The following ANKS1B variants were observed in gnomAD, a reference collection of about 807,000 sequenced individuals.
ANKS1B encodes the protein ankyrin repeat and sterile alpha motif domain containing 1B.
Under a neutral mutation model 148.3 loss-of-function variants are expected in ANKS1B, and 36 were observed. That is an observed-to-expected ratio of 0.24 (90% CI 0.19 to 0.32). The LOEUF is 0.32. Ranked by LOEUF, ANKS1B falls within the 10% of genes least tolerant of loss-of-function variation. The pLI is 1.00. For missense variants in ANKS1B, 1,157 were observed against 1,542.6 expected, an observed-to-expected ratio of 0.75 and a Z score of 4.19; for synonymous variants, 542 against 560.8, an observed-to-expected ratio of 0.97 and a Z score of 0.47.
intron 1 of ANKS1B, among the ~76,000 whole-genome samples, chr12:99,963,219 T>C (rs1422146467): frequency 6.6e-6 from 1 of 152,204 alleles, no homozygotes; most frequent in African/African-American, 2.4e-5. Flanking sequence ...TCTTGTAAAT[T>C]TGTTTAAGTT....
chr12:99,895,363 T>C (rs717403), intron 1 of ANKS1B, among the ~76,000 whole-genome samples: 27,056 of 150,296 alleles, frequency 0.18, 3,922 homozygotes, highest in Non-Finnish European at 0.26. Context: ...AGAAGTCCCA[T>C]GTGGCGAAAT....
chr12:99,246,492 A>C lies in ANKS1B; in HGVS notation c.2129T>G (p.Val710Gly), dbSNP rs762411780. Residue 710 changes from valine (V) to glycine (G), a missense_variant, in exon 13 of 27, where the codon GTG (valine) becomes GGG (glycine). Transcript: ENST00000683438. ...TCTCCCCAGAGTACAGGCTCTCTCC[A>C]CAAATCCCCCTGCGTTCATAACCCA... ...DQWVMNAGGF[V>G]ERACTLGRIR... The C allele has an allele frequency of 7.4e-6, 12 of 1,613,740 alleles. No homozygotes were observed. In the Admixed American group the frequency reaches 2.0e-4, roughly 27 times the overall value.
intron 9 of ANKS1B, among the ~76,000 whole-genome samples, chr12:99,536,282 G>T (rs185357003): frequency 3.0e-4 from 46 of 152,300 alleles, no homozygotes; most frequent in Admixed American, 1.8e-3. Context: ...GTAGCACTCT[G>T]GTGGGGATGT....
intron 1 of ANKS1B, among the ~76,000 whole-genome samples, chr12:99,918,816 T>C (rs1273244798): frequency 6.6e-6 from 1 of 152,230 alleles, no homozygotes; most frequent in Non-Finnish European, 1.5e-5. Context: ...ACAGTAACAA[T>C]GTCTAGCTCT....
chr12:99,205,059 C>T (rs1396043837), intron 14 of ANKS1B, among the ~76,000 whole-genome samples: 2 of 149,032 alleles, frequency 1.3e-5, no homozygotes, highest in African/African-American at 5.1e-5. Context: ...TTGTACCAGG[C>T]CCCCCCCAAA....
intron 15 of ANKS1B, among the ~76,000 whole-genome samples, chr12:99,114,967 A>G (rs1428375812): frequency 6.6e-6 from 1 of 152,006 alleles, no homozygotes; most frequent in Non-Finnish European, 1.5e-5. Flanking sequence ...ATTAAAAAGT[A>G]AAAAAATAAC....
intron 17 of ANKS1B, among the ~76,000 whole-genome samples, chr12:98,888,921 T>C (rs984873330): frequency 6.6e-6 from 1 of 152,222 alleles, no homozygotes; most frequent in African/African-American, 2.4e-5. Flanking sequence ...ACCTTGTCTA[T>C]CTTGTTCATC....
At chr12:98,746,523 C>T (rs1480942352) in intron 26 of ANKS1B, among the ~76,000 whole-genome samples, 1 of 152,194 alleles carries the variant, frequency 6.6e-6, no homozygotes, top group Non-Finnish European at 1.5e-5. Context: ...ACAAAAAGCA[C>T]CCCAACTTTT....
intron 14 of ANKS1B, among the ~76,000 whole-genome samples, chr12:99,194,827 A>T (rs2081197900): frequency 6.6e-6 from 1 of 152,180 alleles, no homozygotes; most frequent in African/African-American, 2.4e-5. Flanking sequence ...TCTTCAAAAT[A>T]ATCCTGTGTG....
chr12:99,776,912 T>C (rs1402698299), intron 6 of ANKS1B, among the ~76,000 whole-genome samples: 1 of 152,178 alleles, frequency 6.6e-6, no homozygotes, highest in Non-Finnish European at 1.5e-5. Flanking sequence ...CTGGAACTCC[T>C]GACCTTGTAA....
chr12:98,887,283 C>T (rs1305495788), intron 17 of ANKS1B, among the ~76,000 whole-genome samples: 5 of 152,174 alleles, frequency 3.3e-5, no homozygotes, highest in Admixed American at 1.3e-4. Flanking sequence ...TTACTGTTAA[C>T]GCTAAGGAAG....
At position 98,887,440 on chromosome 12, in the gene ANKS1B, A is replaced by C. The variant is rs1359773948; in HGVS notation, c.2779-55304T>G. ...CTTAAAGAGGGCCCCCAAATTATAT[A>C]ACCTTCCCACAGAAATCTTGATCCA... On this transcript the variant is annotated intron_variant, in intron 17 of 26. Coordinates refer to ENST00000683438, the MANE Select transcript of ANKS1B (RefSeq NM_001352186.2). Among the ~76,000 whole-genome samples, 6 of 152,152 alleles carry C rather than the reference A, an allele frequency of 3.9e-5. 1 individual carries two copies. In the East Asian group the frequency reaches 1.2e-3, roughly 29 times the overall value.
chr12:98,756,068 T>C (rs542804739), intron 25 of ANKS1B, among the ~76,000 whole-genome samples: 14 of 152,332 alleles, frequency 9.2e-5, no homozygotes, highest in Admixed American at 2.6e-4. Context: ...CTCACCATCC[T>C]GGCTGGATGC....
intron 4 of ANKS1B, among the ~76,000 whole-genome samples, chr12:99,799,369 AT>A (rs1307962018): frequency 1.3e-5 from 2 of 152,088 alleles, no homozygotes; most frequent in Non-Finnish European, 2.9e-5. Flanking sequence ...AGTTAGCCTC[AT>A]TTAAGGAGCA....
At chr12:99,037,334 G>A (rs2099956168) in intron 17 of ANKS1B, among the ~76,000 whole-genome samples, 1 of 152,094 alleles carries the variant, frequency 6.6e-6, no homozygotes, top group South Asian at 2.1e-4. Context: ...GGCCAAAATA[G>A]TGAAACCCCA....
At chr12:99,044,225 T>A (rs1276783492) in intron 17 of ANKS1B, among the ~76,000 whole-genome samples, 1 of 151,972 alleles carries the variant, frequency 6.6e-6, no homozygotes, top group Non-Finnish European at 1.5e-5. Context: ...TTTTTTTTTT[T>A]AGCAACAGGC....
At chr12:99,961,739 A>G (rs1465879015) in intron 1 of ANKS1B, among the ~76,000 whole-genome samples, 1 of 152,242 alleles carries the variant, frequency 6.6e-6, no homozygotes, top group East Asian at 1.9e-4. Context: ...GAAAATAGGT[A>G]TCTATCCATC....
chr12:99,497,201 T>C (rs549270263), intron 10 of ANKS1B, among the ~76,000 whole-genome samples: 113 of 152,336 alleles, frequency 7.4e-4, no homozygotes, highest in Non-Finnish European at 1.4e-3. Context: ...CATCTTTAGA[T>C]TACTTGTAAT....
chr12:99,305,087 T>C (rs1041415794), intron 12 of ANKS1B, among the ~76,000 whole-genome samples: 1 of 151,900 alleles, frequency 6.6e-6, no homozygotes, highest in Non-Finnish European at 1.5e-5. Context: ...GTGTATCACA[T>C]GGTGTGAGAG....
Sources: allele counts gnomAD v4.1 joint callset (sites outside exome capture counted in the v4.1 genomes callset), GRCh38; gene constraint gnomAD v4.1.1; transcripts MANE v1.5; gene names NCBI Gene and HGNC (gene_info 2026-07-23, HGNC 2026-07-21).